ARHGEF3: variants seen among roughly 807,000 people sequenced by gnomAD.
ARHGEF3 encodes Rho guanine nucleotide exchange factor 3.
Under a neutral mutation model 63.2 loss-of-function variants are expected in ARHGEF3, and 28 were observed. The ratio of observed to expected loss-of-function variants is 0.44; its 90% confidence interval spans 0.33 to 0.61. The LOEUF (loss-of-function observed/expected upper bound fraction) is 0.61, where lower values mean the gene tolerates loss of function less well. Among genes scored for constraint, ARHGEF3 ranks in the 20% least tolerant of loss-of-function variants. The pLI is 0.03. For missense variants in ARHGEF3, 533 were observed against 659.3 expected (o/e 0.81, Z 2.10); for synonymous variants, 266 against 254.2 (o/e 1.05, Z -0.44).
chr3:56,984,318 C>T (rs1027455937), intron 2 of ARHGEF3, among the ~76,000 whole-genome samples: 2 of 152,202 alleles, frequency 1.3e-5, no homozygotes, highest in African/African-American at 2.4e-5. Context: ...CTGCCTGTCG[C>T]ATTGATAATT....
At chr3:56,779,492 T>TA (rs1322405399) in intron 1 of ARHGEF3, among the ~76,000 whole-genome samples, 11 of 152,074 alleles carry the variant, frequency 7.2e-5, no homozygotes, top group African/African-American at 2.7e-4. Flanking sequence ...TTTTATTTTT[T>TA]TTTTTTGTTT....
intron 1 of ARHGEF3, chr3:57,075,003 G>C (rs1293072606): frequency 1.8e-5 from 3 of 167,270 alleles, no homozygotes; most frequent in Admixed American, 6.5e-5. Flanking sequence ...CCCTTCTGCA[G>C]TGAGATAGAC....
intron 6 of ARHGEF3, among the ~76,000 whole-genome samples, chr3:56,745,963 A>C (rs577345787): frequency 6.6e-6 from 1 of 152,212 alleles, no homozygotes; most frequent in Non-Finnish European, 1.5e-5. Context: ...GAGCCTGTAC[A>C]ATACTATGTA....
chr3:57,025,032 A>G (rs551969611), intron 2 of ARHGEF3, among the ~76,000 whole-genome samples: 195 of 152,324 alleles, frequency 1.3e-3, no homozygotes, highest in Non-Finnish European at 7.1e-4. Context: ...ATGGAACTGG[A>G]GGACCAAGGT....
intron 2 of ARHGEF3, among the ~76,000 whole-genome samples, chr3:56,980,334 T>C (rs962580757): frequency 4.6e-5 from 7 of 152,222 alleles, no homozygotes; most frequent in African/African-American, 1.7e-4. Context: ...AAGCCTGTTT[T>C]GTAATACAGT....
At chr3:56,939,951 C>T (rs1042682076) in intron 3 of ARHGEF3, 2 of 152,192 alleles carry the variant, frequency 1.3e-5, no homozygotes, top group African/African-American at 4.8e-5. Flanking sequence ...CATAATCCCA[C>T]TCCCTGGCCA....
At chr3:56,944,663 G>C (rs749115181) in intron 3 of ARHGEF3, among the ~76,000 whole-genome samples, 14 of 134,240 alleles carry the variant, frequency 1.0e-4, no homozygotes, top group Middle Eastern at 4.6e-3. Flanking sequence ...TGCAACCTCT[G>C]CCTCCCGGGT....
chr3:56,789,284 G>A (rs1191240831), intron 1 of ARHGEF3, among the ~76,000 whole-genome samples: 2 of 152,110 alleles, frequency 1.3e-5, no homozygotes, highest in African/African-American at 4.8e-5. Flanking sequence ...TACATTCTAG[G>A]GCTGACTCCA....
At chr3:56,901,732 C>T (rs1311187444) in intron 3 of ARHGEF3, among the ~76,000 whole-genome samples, 1 of 151,992 alleles carries the variant, frequency 6.6e-6, no homozygotes, top group Non-Finnish European at 1.5e-5. Context: ...TATAGGCACA[C>T]ACCACCATAC....
intron 1 of ARHGEF3, among the ~76,000 whole-genome samples, chr3:57,040,678 G>A (rs538744152): frequency 3.2e-4 from 49 of 151,942 alleles, no homozygotes; most frequent in Non-Finnish European, 6.2e-4. Context: ...TATGACCGGT[G>A]CCCTTCTCTG....
At chr3:56,745,513 T>C (rs1473707863) in intron 6 of ARHGEF3, 51 bp from the exon 7 acceptor site, 2 of 1,584,078 alleles carry the variant, frequency 1.3e-6, no homozygotes, top group South Asian at 2.3e-5. Flanking sequence ...AATTGAGCTC[T>C]GAGGCTACGG....
At chr3:56,774,974 T>C in intron 1 of ARHGEF3, 1 of 1,454,386 alleles carries the variant, frequency 6.9e-7, no homozygotes, top group Non-Finnish European at 9.2e-7. Context: ...GACAAAACAT[T>C]TTACAAAGAC....
At chr3:56,920,156 G>T (rs1229132066) in intron 3 of ARHGEF3, among the ~76,000 whole-genome samples, 1 of 152,140 alleles carries the variant, frequency 6.6e-6, no homozygotes, top group East Asian at 1.9e-4. Context: ...TGGGGGCATA[G>T]GTTTTCAGGG....
At chr3:57,040,501 A>AGAAAAGAAAAGAAAAGAAAAGGAAAGG (rs1704140059) in intron 1 of ARHGEF3, among the ~76,000 whole-genome samples, 3 of 134,808 alleles carry the variant, frequency 2.2e-5, no homozygotes, top group African/African-American at 8.2e-5. Context: ...AAAGAAAAGA[A>AGAAAAGAAAAGAAAAGAAAAGGAAAGG]AATACCAAAA....
intron 1 of ARHGEF3, among the ~76,000 whole-genome samples, chr3:56,786,052 T>A (rs1320814606): frequency 3.9e-5 from 6 of 152,170 alleles, no homozygotes; most frequent in African/African-American, 1.4e-4. Flanking sequence ...GCACAAATTA[T>A]CCCTTCAAAT....
exon 4 of ARHGEF3, chr3:56,882,353 C>T (rs564333803): frequency 1.9e-5 from 29 of 1,551,464 alleles, no homozygotes; most frequent in East Asian, 1.2e-4. Context: ...TTTCCGTTTT[C>T]GCTGCAAAAC....
At chr3:56,845,404 A>AATCATATACAG (rs2039454569) in intron 4 of ARHGEF3, among the ~76,000 whole-genome samples, 2 of 152,218 alleles carry the variant, frequency 1.3e-5, no homozygotes, top group African/African-American at 2.4e-5. Flanking sequence ...ACAGGGGAGA[A>AATCATATACAG]ATCATATACA....
intron 4 of ARHGEF3, among the ~76,000 whole-genome samples, chr3:56,864,401 C>T (rs141711116): frequency 2.6e-5 from 4 of 152,346 alleles, no homozygotes; most frequent in African/African-American, 7.2e-5. Flanking sequence ...TAACACCTTA[C>T]CTTCTTTCAG....
At chr3:57,005,809 T>A (rs559298475) in intron 2 of ARHGEF3, among the ~76,000 whole-genome samples, 1 of 152,322 alleles carries the variant, frequency 6.6e-6, no homozygotes, top group African/African-American at 2.4e-5. Flanking sequence ...TTCTGTACCA[T>A]AACTCAGCAT....
Sources: gnomAD v4.1 joint callset for allele counts (sites outside exome capture counted in the v4.1 genomes callset) on GRCh38, gnomAD v4.1.1 for gene constraint, MANE v1.5 for transcripts, NCBI Gene and HGNC (gene_info 2026-07-23, HGNC 2026-07-21) for gene names.